The following TRIM3 variants were observed in gnomAD, a reference collection of about 807,000 sequenced individuals.
The protein encoded by TRIM3 is tripartite motif-containing protein 3.
In TRIM3, 13 loss-of-function variants were observed where a neutral mutation model predicts 66.6. The observed-to-expected ratio is 0.20, with a 90% CI of 0.13 to 0.31. The LOEUF (loss-of-function observed/expected upper bound fraction) is 0.31, where lower values mean the gene tolerates loss of function less well. Ranked by LOEUF, TRIM3 falls within the 10% of genes least tolerant of loss-of-function variation. TRIM3 has a pLI of 1.00. For synonymous variants in TRIM3, 406 were observed against 411.7 expected (o/e 0.99, Z 0.17); for missense variants, 711 against 1,020.4 (o/e 0.70, Z 4.13).
chr11:6,462,417 A>T (rs902777949), intron 2 of TRIM3, among the ~76,000 whole-genome samples: 7 of 151,714 alleles, frequency 4.6e-5, no homozygotes, highest in African/African-American at 1.7e-4. Flanking sequence ...TTATTTGTTT[A>T]TTTAATTTAA....
intron 2 of TRIM3, among the ~76,000 whole-genome samples, chr11:6,463,151 G>A (rs1850315837): frequency 6.6e-6 from 1 of 152,130 alleles, no homozygotes; most frequent in African/African-American, 2.4e-5. Flanking sequence ...ATTGCAGTGA[G>A]CCAAGATGGC....
Position 6,465,483 on chromosome 11 carries a change from CCCTCACCCTCCCCACAGGGGAGGAGGAT to C in TRIM3, c.131+54_131+81del, listed in dbSNP as rs376602675. The C allele has an allele frequency of 7.4e-4, 1,149 of 1,560,010 alleles. 6 individuals carry two copies. The African/African-American group carries it at 9.1e-3, about 12-fold the overall frequency. ...CACCTACTACAGGTTTACACATGCT[CCCTCACCCTCCCCACAGGGGAGGAGGAT>C]CCTCATCCTCCCCACAGGGTCCTCA... is the stretch of plus-strand genomic sequence containing the variant. On this transcript the variant is annotated intron_variant, in intron 2 of 11. Transcript: ENST00000345851.
At chr11:6,452,596 A>C (rs1849775142) in intron 7 of TRIM3, 1 of 149,984 alleles carries the variant, frequency 6.7e-6, no homozygotes, top group Admixed American at 6.7e-5. Flanking sequence ...ACTTTCTTCT[A>C]ATGTGGACCT....
rs1849958244 is a variant in TRIM3, at chr11:6,456,178, G to A, written c.1430-3C>T. On this transcript the variant is annotated splice_region_variant and splice_polypyrimidine_tract_variant and intron_variant, in intron 6 of 11. Coordinates refer to ENST00000345851, the MANE Select transcript of TRIM3 (RefSeq NM_033278.4). This position sits in a 1 kb window ranked among gnomAD's most constrained non-coding sequence, Gnocchi z 6.4. ...ACCTTTCTCCCTTCCACGACTGCCTGTGGGAAGGGACAGGAGGGAAAACAA... is the reference window on the plus strand; with the variant it reads ...ACCTTTCTCCCTTCCACGACTGCCTATGGGAAGGGACAGGAGGGAAAACAA... The A allele has an allele frequency of 6.2e-7, 1 of 1,613,826 alleles. No individual in the cohort carries two copies. The highest frequency in any genetic ancestry group is 1.3e-5 in the African/African-American group (1 of 74,860).
At chr11:6,454,347 T>C (rs1238418953) in intron 7 of TRIM3, among the ~76,000 whole-genome samples, 2 of 146,142 alleles carry the variant, frequency 1.4e-5, no homozygotes, top group African/African-American at 2.5e-5. Context: ...GCTGTGATCA[T>C]AGCACTGTAC....
At chr11:6,464,986 CAAAAAAAAAA>C (rs544959608) in intron 2 of TRIM3, among the ~76,000 whole-genome samples, 1 of 54,176 alleles carries the variant, frequency 1.8e-5, no homozygotes, top group Non-Finnish European at 3.3e-5. Flanking sequence ...GACTCCATCT[CAAAAAAAAAA>C]AAAAAAAAAA....
chr11:6,463,617 C>A lies in TRIM3; in HGVS notation c.131+1948G>T, dbSNP rs1850330229. ...AGGGAGGCCAGGACGCAGCTGGTGA[C>A]TGGGAAAAGAGGGAGCAGTCAAAGG... On this transcript the variant is annotated intron_variant, in intron 2 of 11. Transcript: ENST00000345851. Among the ~76,000 whole-genome samples the A allele has an allele frequency of 2.0e-5, 3 of 152,162 alleles. No homozygotes were observed. The South Asian group carries it at 6.2e-4, about 32-fold the overall frequency.
At chr11:6,453,830 G>A (rs567087935) in intron 7 of TRIM3, among the ~76,000 whole-genome samples, 13 of 152,298 alleles carry the variant, frequency 8.5e-5, no homozygotes, top group African/African-American at 2.6e-4. Flanking sequence ...CGGTCATGTC[G>A]TGAGGACCCC....
At chr11:6,472,893 C>G (rs1269038625) in intron 1 of TRIM3, among the ~76,000 whole-genome samples, 1 of 152,188 alleles carries the variant, frequency 6.6e-6, no homozygotes, top group Non-Finnish European at 1.5e-5. Context: ...CAAATCATCC[C>G]CTGCTTAGGG....
At position 6,460,278 on chromosome 11, in the gene TRIM3, C is replaced by T. The variant is rs185913022; in HGVS notation, c.132-1982G>A. Among the ~76,000 whole-genome samples the T allele has an allele frequency of 2.6e-5, 4 of 152,136 alleles. No individual in the cohort carries two copies. The East Asian group carries it at 5.8e-4, about 22-fold the overall frequency. On this transcript the variant is annotated intron_variant, in intron 2 of 11. Transcript: ENST00000345851. Reference sequence around the variant, plus strand: ...TGTAGGGAAAACAGGGAGGGAGTGGCAGGAGAAGGAAAGCTTGACTGCTGG... The same window carrying T: ...TGTAGGGAAAACAGGGAGGGAGTGGTAGGAGAAGGAAAGCTTGACTGCTGG...
At position 6,457,564 on chromosome 11, in the gene TRIM3, T is replaced by C; in HGVS notation, c.516-88A>G. ...CCTGGGGAACCTACTGCTGCCCTCA[T>C]GGAGATCTCCTTCCTGAGACCTCCC... is the stretch of plus-strand genomic sequence containing the variant. On this transcript the variant is annotated intron_variant, in intron 4 of 11. Coordinates refer to ENST00000345851, the MANE Select transcript of TRIM3 (RefSeq NM_033278.4). The surrounding 1 kb of genome is among the most constrained non-coding windows in gnomAD (Gnocchi z 4.5). The C allele has an allele frequency of 1.3e-6, 2 of 1,556,142 alleles. No individual in the cohort carries two copies. The highest frequency in any genetic ancestry group is 1.4e-5 in the African/African-American group (1 of 74,066).
In TRIM3 at chr11:6,471,130, T is replaced by G. The variant is rs533912653; in HGVS notation, c.-38+2661A>C. The stretch of plus-strand genomic sequence containing the variant: ...TGCAAAGGATGTGTTTCAAGGCTTT[T>G]CAGTTTCTCCAAATTCTCAAATAGC... On this transcript the variant is annotated intron_variant, in intron 1 of 11. Transcript: ENST00000345851. Among the ~76,000 whole-genome samples, 15 of 152,348 alleles carry G rather than the reference T, an allele frequency of 9.8e-5. No individual in the cohort carries two copies. The South Asian group carries it at 3.1e-3, about 32-fold the overall frequency.
Position 6,450,332 on chromosome 11 carries a change from A to G in TRIM3, c.1941+219T>C, listed in dbSNP as rs753182719. ...ACCTTTTTCTCTTCCCTACTAGACT[A>G]TAATCAAGAAGACACAGAATACATT... On this transcript the variant is annotated intron_variant, in intron 10 of 11. Transcript: ENST00000345851. This position sits in a 1 kb window ranked among gnomAD's most constrained non-coding sequence, Gnocchi z 4.8. The G allele has an allele frequency of 1.9e-5, 11 of 575,906 alleles. No homozygotes were observed. The highest frequency in any genetic ancestry group is 3.4e-5 in the Non-Finnish European group (11 of 323,616). The allele number at this position is 575,906 out of a possible 1,614,324, so 35.7% of individuals were successfully genotyped here.
chr11:6,474,313 C>G (rs1454236432), upstream of TRIM3: 2 of 152,480 alleles, frequency 1.3e-5, no homozygotes, highest in Non-Finnish European at 2.9e-5. Context: ...GGCCGCCTGC[C>G]TCCTGGAGGC....
chr11:6,472,952 G>A (rs1850750969), intron 1 of TRIM3: 1 of 152,534 alleles, frequency 6.6e-6, no homozygotes. Context: ...GGAGACCTGT[G>A]ATGTTTTCTG....
intron 1 of TRIM3, 58 bp from the exon 2 acceptor site, chr11:6,465,790 C>T: frequency 6.7e-7 from 1 of 1,501,570 alleles, no homozygotes; most frequent in Non-Finnish European, 9.1e-7. Flanking sequence ...CCACCCAATC[C>T]CCGCCACTCA....
intron 2 of TRIM3, among the ~76,000 whole-genome samples, chr11:6,461,626 C>A (rs1046890347): frequency 3.3e-5 from 5 of 152,150 alleles, no homozygotes; most frequent in Admixed American, 3.3e-4. Flanking sequence ...ACTATCACTG[C>A]ATTTCAACCA....
chr11:6,466,725 T>C (rs1025841502), intron 1 of TRIM3, among the ~76,000 whole-genome samples: 6 of 151,902 alleles, frequency 3.9e-5, no homozygotes, highest in Non-Finnish European at 7.4e-5. Flanking sequence ...CACCTACTCA[T>C]CTTTCAGGTC....
chr11:6,456,420 T>G lies in TRIM3; in HGVS notation c.1306A>C (p.Lys436Gln), dbSNP rs898302996. The G allele has an allele frequency of 6.5e-7, 1 of 1,533,694 alleles. No homozygotes were observed. Among genetic ancestry groups the G allele is most frequent in the Non-Finnish European group, 8.8e-7 (1 of 1,137,900 alleles). ...TGGCTGCCGGGGCCGCCAGGGGACT[T>G]GACACGGCGCTTCACATCGTCCGGG... ...PSPDDVKRRV[K>Q]SPGGPGSHVR... Residue 436 changes from lysine (K) to glutamine (Q), a missense_variant, in exon 6 of 12, where the codon AAG (lysine) becomes CAG (glutamine). Physicochemically the swap from Lys to Gln is moderately conservative, Grantham distance 53. This residue lies in a region of TRIM3 where 399 missense variants were observed against 458.1 expected (regional missense o/e 0.87). Transcript: ENST00000345851. The surrounding 1 kb of genome is among the most constrained non-coding windows in gnomAD (Gnocchi z 6.4).
Sources: gnomAD v4.1 joint callset for allele counts (sites outside exome capture counted in the v4.1 genomes callset) on GRCh38, gnomAD v4.1.1 for gene constraint, gnomAD v4.1.1 regional missense constraint, Gnocchi (gnomAD v3.1) non-coding constraint, MANE v1.5 for transcripts, NCBI Gene and HGNC (gene_info 2026-07-23, HGNC 2026-07-21) for gene names.